USP34: variants seen among roughly 807,000 people sequenced by gnomAD.
USP34 encodes ubiquitin carboxyl-terminal hydrolase 34.
A neutral mutation model predicts 460.3 loss-of-function variants in USP34; 70 were observed. That is an observed-to-expected ratio of 0.15 (90% CI 0.13 to 0.19). USP34 has a LOEUF of 0.19. USP34 is among the 10% of genes least tolerant of loss of function. The probability of loss-of-function intolerance (pLI) is 1.00; values close to 1 mark genes in which losing one functional copy is unlikely to be tolerated. For missense variants in USP34, 3,985 were observed against 4,236.2 expected (o/e 0.94, Z 1.65); for synonymous variants, 1,647 against 1,405.3 (o/e 1.17, Z -3.85).
At chr2:61,197,139 T>G (rs1192572795) in intron 75 of USP34, among the ~76,000 whole-genome samples, 5 of 151,634 alleles carry the variant, frequency 3.3e-5, no homozygotes. Context: ...CAAGAATTAG[T>G]TGGGCATGTA....
chr2:61,464,506 C>T (rs1438470721), intron 1 of USP34, among the ~76,000 whole-genome samples: 3 of 152,170 alleles, frequency 2.0e-5, no homozygotes, highest in Non-Finnish European at 4.4e-5. Flanking sequence ...TCTTGCCTAT[C>T]TCACATGAAT....
At chr2:61,364,258 AG>A (rs1692362474) in intron 10 of USP34, among the ~76,000 whole-genome samples, 1 of 152,172 alleles carries the variant, frequency 6.6e-6, no homozygotes. Context: ...GCTACTCAGG[AG>A]TCTGAGGCCA....
chr2:61,467,317 A>T (rs548625181), intron 1 of USP34, among the ~76,000 whole-genome samples: 1 of 151,940 alleles, frequency 6.6e-6, no homozygotes, highest in East Asian at 1.9e-4. Context: ...TAAAAAATAA[A>T]AAAATAATAA....
At chr2:61,360,302 T>C (rs907093434) in intron 10 of USP34, among the ~76,000 whole-genome samples, 5 of 151,928 alleles carry the variant, frequency 3.3e-5, no homozygotes, top group African/African-American at 1.2e-4. Flanking sequence ...ACCTTACAAC[T>C]CCACAACAAC....
intron 1 of USP34, among the ~76,000 whole-genome samples, chr2:61,431,169 T>C (rs138721147): frequency 1.3e-5 from 2 of 152,320 alleles, no homozygotes; most frequent in African/African-American, 2.4e-5. Context: ...TCTAGTGTTT[T>C]ATAGTACTGC....
At position 61,188,299 on chromosome 2, in the gene USP34, C is replaced by A; in HGVS notation, c.10444G>T (p.Asp3482Tyr). Residue 3482 changes from aspartate to tyrosine, a missense_variant, in exon 80 of 80, where the codon GAC (aspartate) becomes TAC (tyrosine). Physicochemically the swap from Asp to Tyr is radical, Grantham distance 160. This residue lies in a region of USP34 where 506 missense variants were observed against 439.0 expected (regional missense o/e 1.15). Transcript: ENST00000398571. ...SISAVLSDLA[D>Y]LRSCDGQALP... is the part of the protein sequence containing the mutation. ...GCTTGGCCATCACAGCTTCTCAAGT[C>A]AGCTAAGTCAGACAGAACTGCAGAG... 6.2e-7 allele frequency: 1 copy of A among 1,613,768 alleles called. No homozygotes were observed. Among genetic ancestry groups the A allele is most frequent in the East Asian group, 2.2e-5 (1 of 44,880 alleles).
chr2:61,200,676 T>TA (rs992203201), intron 75 of USP34: 3 of 152,312 alleles, frequency 2.0e-5, no homozygotes, highest in Non-Finnish European at 4.4e-5. Context: ...TTCAAATGAT[T>TA]AAAGATATAA....
rs561985407 is a variant in USP34 at position 61,420,858 on chromosome 2, A to G, written c.44-25T>C. 3.1e-4 allele frequency: 478 copies of G among 1,555,122 alleles called. 1 individual carries two copies. Among genetic ancestry groups the G allele is most frequent in the Non-Finnish European group, 2.0e-4 (223 of 1,134,374 alleles). On this transcript the variant is annotated intron_variant, in intron 1 of 79. Coordinates refer to ENST00000398571, the MANE Select transcript of USP34 (RefSeq NM_014709.4). The stretch of plus-strand genomic sequence containing the variant: ...ACTGAAATAAAAAAGAAATTTTAAA[A>G]TTATGAATAATGCTAAACCAGTATT...
intron 62 of USP34, chr2:61,223,563 A>C: frequency 3.0e-6 from 1 of 331,254 alleles, no homozygotes; most frequent in Non-Finnish European, 5.4e-6. Context: ...GATGGGTCTT[A>C]TTTTACTTAC....
intron 16 of USP34, 111 bp from the exon 17 acceptor site, chr2:61,339,792 CATAAA>C (rs1691531521): frequency 3.8e-6 from 2 of 523,762 alleles, no homozygotes; most frequent in African/African-American, 2.0e-5. Flanking sequence ...TTTCTCAGAT[CATAAA>C]ATAAAAACAC....
rs750629329 is a variant in USP34, at chr2:61,260,638, T to C, written c.5779-862A>G. Reference sequence around the variant, plus strand: ...AGCATATAATTACTATAAAATTATATATTAAACTCAACAGGAATTGAACAA... The same window carrying C: ...AGCATATAATTACTATAAAATTATACATTAAACTCAACAGGAATTGAACAA... On this transcript the variant is annotated intron_variant, in intron 43 of 79. Coordinates refer to ENST00000398571, the MANE Select transcript of USP34 (RefSeq NM_014709.4). Among the ~76,000 whole-genome samples the C allele has an allele frequency of 2.2e-4, 34 of 152,294 alleles. No homozygotes were observed. In the Middle Eastern group the frequency reaches 0.01, roughly 46 times the overall value.
At chr2:61,462,764 G>C (rs1176991494) in intron 1 of USP34, among the ~76,000 whole-genome samples, 1 of 150,996 alleles carries the variant, frequency 6.6e-6, no homozygotes, top group Non-Finnish European at 1.5e-5. Context: ...GGGAGGGTGA[G>C]GCACAAGAAC....
intron 6 of USP34, among the ~76,000 whole-genome samples, chr2:61,382,148 T>A (rs1012980660): frequency 2.0e-5 from 3 of 152,190 alleles, no homozygotes; most frequent in Non-Finnish European, 4.4e-5. Flanking sequence ...CCTCCTAGCT[T>A]CTATTCCAGT....
At chr2:61,237,948 G>A (rs1252645187) in intron 53 of USP34, among the ~76,000 whole-genome samples, 1 of 151,722 alleles carries the variant, frequency 6.6e-6, no homozygotes, top group Non-Finnish European at 1.5e-5. Context: ...CCAGGCTGGA[G>A]TGCAATGGCG....
At chr2:61,407,794 G>A (rs978474199) in intron 2 of USP34, among the ~76,000 whole-genome samples, 2 of 152,166 alleles carry the variant, frequency 1.3e-5, no homozygotes, top group African/African-American at 4.8e-5. Flanking sequence ...GAGACCACAT[G>A]AGAAAGTACC....
intron 62 of USP34, among the ~76,000 whole-genome samples, chr2:61,226,444 TACACAC>T (rs148492894): frequency 1.3e-5 from 2 of 151,810 alleles, no homozygotes; most frequent in Non-Finnish European, 1.5e-5. Context: ...TACATACACA[TACACAC>T]ACACACATAC....
intron 30 of USP34, among the ~76,000 whole-genome samples, chr2:61,296,520 A>C (rs973903683): frequency 6.6e-6 from 1 of 152,224 alleles, no homozygotes; most frequent in Non-Finnish European, 1.5e-5. Flanking sequence ...ACAATATTAA[A>C]AGCATACTGT....
In USP34 at chr2:61,402,535, C is replaced by G. The variant is rs1384816615; in HGVS notation, c.552+3173G>C. Among the ~76,000 whole-genome samples the G allele has an allele frequency of 2.6e-5, 4 of 152,152 alleles. No individual in the cohort carries two copies. The South Asian group carries it at 6.2e-4, about 24-fold the overall frequency. Reference sequence around the variant, plus strand: ...GACTCTTCTCAGCAATATGCCCAATCAAATCTTTTAACCTCTGTAGGCCAG... The same window carrying G: ...GACTCTTCTCAGCAATATGCCCAATGAAATCTTTTAACCTCTGTAGGCCAG... On this transcript the variant is annotated intron_variant, in intron 3 of 79. Coordinates refer to ENST00000398571, the MANE Select transcript of USP34 (RefSeq NM_014709.4).
In USP34 at chr2:61,348,281, T is replaced by C; in HGVS notation, c.1874A>G (p.Glu625Gly). Residue 625 changes from glutamate (E) to glycine (G), a missense_variant, in exon 15 of 80, where the codon GAA becomes GGA. Glu to Gly is a moderately conservative substitution (Grantham distance 98, BLOSUM62 -2). This residue lies in a region of USP34 where 716 missense variants were observed against 626.2 expected (regional missense o/e 1.14). Transcript: ENST00000398571. ...ADIEALKEEDEDDDHGHNPPK... is the reference protein window; with the variant it reads ...ADIEALKEEDGDDDHGHNPPK... Reference sequence around the variant, plus strand: ...AGGATTATGACCATGATCATCGTCTTCATCTTCCTCTTTGAGGGCTTCAAT... The same window carrying C: ...AGGATTATGACCATGATCATCGTCTCCATCTTCCTCTTTGAGGGCTTCAAT... The C allele has an allele frequency of 6.2e-7, 1 of 1,614,238 alleles. No individual in the cohort carries two copies. The highest frequency in any genetic ancestry group is 8.5e-7 in the Non-Finnish European group (1 of 1,180,044).
Sources: allele counts gnomAD v4.1 joint callset (sites outside exome capture counted in the v4.1 genomes callset), GRCh38; gene constraint gnomAD v4.1.1; regional missense constraint gnomAD v4.1.1; transcripts MANE v1.5; gene names NCBI Gene and HGNC (gene_info 2026-07-23, HGNC 2026-07-21).